The following TANGO2 variants were observed in gnomAD, a reference collection of about 807,000 sequenced individuals.
TANGO2 encodes the protein transport and Golgi organization protein 2 homolog.
A neutral mutation model predicts 39.1 loss-of-function variants in TANGO2; 26 were observed. That is an observed-to-expected ratio of 0.67 (90% confidence interval 0.49 to 0.92). The LOEUF is 0.92. TANGO2 is among the 40% of genes least tolerant of loss of function. The pLI is 0.00. For missense variants in TANGO2, 326 were observed against 360.1 expected (o/e 0.91, Z 0.77); for synonymous variants, 131 against 144.5 (o/e 0.91, Z 0.67).
chr22:20,053,308 A>G lies in TANGO2; in HGVS notation c.266-129A>G, dbSNP rs568936299. 1.1e-5 allele frequency: 7 copies of G among 649,176 alleles called. No individual in the cohort carries two copies. The East Asian group carries it at 1.4e-4, about 13-fold the overall frequency. 40.2% of individuals were successfully genotyped at this position (649,176 alleles called of 1,614,324 possible). On this transcript the variant is annotated intron_variant, in intron 4 of 8. Transcript: ENST00000327374. Reference sequence around the variant, plus strand: ...GGTGTGGCTGACTCTTGCGGCAGTCATGACAGGCCAGGGCTCCAGTGGGAC... The same window carrying G: ...GGTGTGGCTGACTCTTGCGGCAGTCGTGACAGGCCAGGGCTCCAGTGGGAC...
intron 3 of TANGO2, among the ~76,000 whole-genome samples, chr22:20,052,069 C>T (rs1259923048): frequency 6.6e-6 from 1 of 152,196 alleles, no homozygotes; most frequent in African/African-American, 2.4e-5. Flanking sequence ...AGGGCCTGCC[C>T]TTTGGGCCTG....
At chr22:20,022,849 G>A (rs187107122) in intron 1 of TANGO2, among the ~76,000 whole-genome samples, 1 of 152,248 alleles carries the variant, frequency 6.6e-6, no homozygotes, top group Non-Finnish European at 1.5e-5. Flanking sequence ...ACTTCTCGAA[G>A]TAGGGCCATG....
intron 1 of TANGO2, among the ~76,000 whole-genome samples, chr22:20,035,830 G>A (rs910409798): frequency 6.6e-6 from 1 of 152,158 alleles, no homozygotes; most frequent in Non-Finnish European, 1.5e-5. Context: ...CAGTCTTGAA[G>A]GAAGAATGTA....
intron 1 of TANGO2, among the ~76,000 whole-genome samples, chr22:20,028,612 A>AGC (rs1196436882): frequency 6.6e-6 from 1 of 152,258 alleles, no homozygotes; most frequent in Admixed American, 6.5e-5. Flanking sequence ...GGGAGGGACC[A>AGC]GCGTTTCTTG....
At chr22:20,042,876 A>G (rs1569280162) in intron 2 of TANGO2, among the ~76,000 whole-genome samples, 1 of 152,220 alleles carries the variant, frequency 6.6e-6, no homozygotes, top group East Asian at 1.9e-4. Context: ...AATTAACTCC[A>G]AAACACACAG....
At chr22:20,025,178 G>C (rs967368495) in intron 1 of TANGO2, among the ~76,000 whole-genome samples, 1 of 149,722 alleles carries the variant, frequency 6.7e-6, no homozygotes, top group African/African-American at 2.5e-5. Flanking sequence ...TGCAACCTCT[G>C]CCTCTCAGGT....
intron 1 of TANGO2, among the ~76,000 whole-genome samples, chr22:20,031,068 C>T (rs982461988): frequency 6.6e-6 from 1 of 151,982 alleles, no homozygotes; most frequent in Non-Finnish European, 1.5e-5. Context: ...TGTGATGGCA[C>T]GCACCTCTAG....
chr22:20,062,369 G>A (rs1324392983), intron 7 of TANGO2, among the ~76,000 whole-genome samples: 8 of 152,106 alleles, frequency 5.3e-5, no homozygotes, highest in Non-Finnish European at 1.2e-4. Context: ...AGGTGATCCA[G>A]CGTCCACTCC....
At chr22:20,055,488 T>C (rs892083397) in intron 5 of TANGO2, 5 of 227,510 alleles carry the variant, frequency 2.2e-5, no homozygotes, top group Non-Finnish European at 8.8e-6. Context: ...ATGTGGTCTT[T>C]GGCGCTTTCT....
rs892672862 is a variant in TANGO2 at position 20,034,034 on chromosome 22, C to T, written c.-39-2726C>T. 5.9e-5 allele frequency among the ~76,000 whole-genome samples: 9 copies of T among 152,082 alleles called. No individual in the cohort carries two copies. In the South Asian group the frequency reaches 6.2e-4, roughly 11 times the overall value. ...CAGCCTGACCAACATGGAGAAACCC[C>T]GTCTCCACTAAAAATACAAAATTAG... On this transcript the variant is annotated intron_variant, in intron 1 of 8. Transcript: ENST00000327374.
rs199621230 is a variant in TANGO2 at position 20,036,830 on chromosome 22, G to T, written c.32G>T (p.Arg11Leu). The T allele has an allele frequency of 1.2e-6, 2 of 1,614,048 alleles. No individual in the cohort carries two copies. The highest frequency in any genetic ancestry group is 1.3e-5 in the African/African-American group (1 of 74,908). ...ATCATCTTCTTTAAGTTTGATCCTCGCCCTGTTTCCAAAAACGCGTACAGG... is the reference window on the plus strand; with the variant it reads ...ATCATCTTCTTTAAGTTTGATCCTCTCCCTGTTTCCAAAAACGCGTACAGG... MCIIFFKFDPRPVSKNAYRLI... is the reference protein window; with the variant it reads MCIIFFKFDPLPVSKNAYRLI... Residue 11 changes from arginine to leucine, a missense_variant, in exon 2 of 9, where the codon CGC becomes CTC. Physicochemically the swap from Arg to Leu is moderately radical, Grantham distance 102 (BLOSUM62 -2). Transcript: ENST00000327374.
chr22:20,026,397 CAAAAAA>C (rs34580239), intron 1 of TANGO2, among the ~76,000 whole-genome samples: 1 of 137,872 alleles, frequency 7.3e-6, no homozygotes, highest in African/African-American at 2.7e-5. Flanking sequence ...GACTTCGTCT[CAAAAAA>C]AAAAAAAAAG....
chr22:20,059,595 G>T (rs1172999872), intron 6 of TANGO2, among the ~76,000 whole-genome samples: 2 of 152,220 alleles, frequency 1.3e-5, no homozygotes, highest in Admixed American at 1.3e-4. Flanking sequence ...GTGAAGTTGT[G>T]TGGACTCGTG....
upstream of TANGO2, among the ~76,000 whole-genome samples, chr22:20,017,449 C>T (rs1174553760): frequency 6.6e-6 from 1 of 152,070 alleles, no homozygotes; most frequent in Non-Finnish European, 1.5e-5. Context: ...GCAGTATTTC[C>T]GAGGGCAGGA....
intron 1 of TANGO2, among the ~76,000 whole-genome samples, chr22:20,027,572 ACT>A (rs535639893): frequency 6.5e-4 from 98 of 151,506 alleles, no homozygotes; most frequent in African/African-American, 2.3e-3. Flanking sequence ...GGTTAAGAAC[ACT>A]CTGGCGCCAC....
intron 3 of TANGO2, among the ~76,000 whole-genome samples, chr22:20,050,952 C>T (rs922394283): frequency 4.6e-5 from 7 of 150,882 alleles, no homozygotes; most frequent in African/African-American, 9.8e-5. Flanking sequence ...CTCAGCCCCC[C>T]GAGTAGCTGG....
chr22:20,056,722 C>T (rs1362727403), intron 6 of TANGO2: 5 of 456,424 alleles, frequency 1.1e-5, no homozygotes, highest in African/African-American at 8.0e-5. Context: ...GGTCTGGTGC[C>T]AGGACAAAGC....
intron 4 of TANGO2, among the ~76,000 whole-genome samples, chr22:20,053,192 G>C (rs1340343022): frequency 6.6e-6 from 1 of 152,046 alleles, no homozygotes; most frequent in African/African-American, 2.4e-5. Flanking sequence ...ACTTCATGCT[G>C]GATTTCCATA....
chr22:20,036,814 T>C lies in TANGO2; in HGVS notation c.16T>C (p.Phe6Leu), dbSNP rs1487902836. The change falls in exon 2 of 9, where the codon TTT becomes CTT. Residue 6 changes from phenylalanine to leucine, a missense_variant. Coordinates refer to ENST00000327374, the MANE Select transcript of TANGO2 (RefSeq NM_152906.7). ...CTGCACCACCATGTGCATCATCTTC[T>C]TTAAGTTTGATCCTCGCCCTGTTTC... MCIIF[F>L]KFDPRPVSKN... 1.2e-6 allele frequency: 2 copies of C among 1,614,132 alleles called. No homozygotes were observed. Among genetic ancestry groups the C allele is most frequent in the East Asian group, 2.2e-5 (1 of 44,904 alleles).
Sources: allele counts gnomAD v4.1 joint callset (sites outside exome capture counted in the v4.1 genomes callset), GRCh38; gene constraint gnomAD v4.1.1; transcripts MANE v1.5; gene names NCBI Gene and HGNC (gene_info 2026-07-23, HGNC 2026-07-21).